ARGFX: variants seen among roughly 807,000 people sequenced by gnomAD.
ARGFX encodes arginine-fifty homeobox.
Under a neutral mutation model 8.0 loss-of-function variants are expected in ARGFX, and 10 were observed. The observed-to-expected ratio is 1.25, with a 90% CI of 0.77 to 2.12. The LOEUF is 2.12. ARGFX is among the 30% of genes most tolerant of loss of function. The pLI is 0.00. For missense variants in ARGFX, 282 were observed against 324.3 expected (o/e 0.87, Z 1.00); for synonymous variants, 116 against 117.8 (o/e 0.98, Z 0.10).
At chr3:121,578,112 CT>C (rs1221645819) in intron 3 of ARGFX, among the ~76,000 whole-genome samples, 8 of 143,802 alleles carry the variant, frequency 5.6e-5, no homozygotes, top group Admixed American at 4.2e-4. Flanking sequence ...AACATTCCCC[CT>C]ACCCCACTTT....
rs769421331 is a variant in ARGFX at position 121,570,818 on chromosome 3, T to G, written c.103+2T>G. The G allele has an allele frequency of 1.3e-6, 2 of 1,589,242 alleles. No homozygotes were observed. The highest frequency in any genetic ancestry group is 1.7e-6 in the Non-Finnish European group (2 of 1,166,536). ...CACCACAGGATCCAGCTAGTCCCAG[T>G]GAGTATCATCCTTCTTTGTCCTCTT... On this transcript the variant is annotated splice_donor_variant, in intron 2 of 4. Coordinates refer to ENST00000334384, the MANE Select transcript of ARGFX (RefSeq NM_001012659.2). LOFTEE classifies it high-confidence loss of function.
chr3:121,583,108 C>G (rs1301016941), intron 3 of ARGFX, among the ~76,000 whole-genome samples: 1 of 146,908 alleles, frequency 6.8e-6, no homozygotes, highest in Admixed American at 6.9e-5. Context: ...CGGTTCACTG[C>G]AACCTCCACC....
intron 3 of ARGFX, among the ~76,000 whole-genome samples, chr3:121,579,613 C>T (rs137943128): frequency 6.7e-6 from 1 of 149,384 alleles, no homozygotes; most frequent in East Asian, 1.9e-4. Context: ...AGGGTAGTTA[C>T]CAGGTGTGAA....
chr3:121,584,243 G>T (rs2048797695), intron 3 of ARGFX, among the ~76,000 whole-genome samples: 1 of 150,472 alleles, frequency 6.6e-6, no homozygotes, highest in Non-Finnish European at 1.5e-5. Context: ...AGGAAGGAAG[G>T]AAGGAAGGAA....
intron 3 of ARGFX, among the ~76,000 whole-genome samples, chr3:121,577,705 T>A (rs1198666495): frequency 6.6e-6 from 1 of 152,218 alleles, no homozygotes; most frequent in Non-Finnish European, 1.5e-5. Flanking sequence ...ATTAATGCCT[T>A]TACATTAATA....
At chr3:121,571,730 ATTTTTTTT>A (rs1173636701) in intron 2 of ARGFX, among the ~76,000 whole-genome samples, 5 of 107,090 alleles carry the variant, frequency 4.7e-5, no homozygotes, top group Admixed American at 1.1e-4. Flanking sequence ...TGCCCGGCAA[ATTTTTTTT>A]TTTTTTTTTT....
In ARGFX at chr3:121,588,233, C is replaced by T. The variant is rs575006229; in HGVS notation, c.*1633C>T. ...CTGTAATCCCAGCACTTTGGGAGGC[C>T]GAGGCGGGCGGATCACGAGGTCAGG... On this transcript the variant is annotated 3_prime_UTR_variant, in exon 5 of 5. Coordinates refer to ENST00000334384, the MANE Select transcript of ARGFX (RefSeq NM_001012659.2). Among the ~76,000 whole-genome samples the T allele has an allele frequency of 4.7e-5, 7 of 148,328 alleles. No homozygotes were observed. The highest frequency in any genetic ancestry group is 1.2e-4 in the African/African-American group (5 of 40,344).
rs777639306 is a variant in ARGFX at position 121,586,462 on chromosome 3, C to G, written c.810C>G (p.Ile270Met). ...GAGGACAGGGTTCCTCTCTCAGCAT[C>G]TTTGCTGGTCCAGCTGTAGGCCTAT... ...QVGGQGSSLS[I>M]FAGPAVGLSP... Residue 270 changes from isoleucine to methionine, a missense_variant, in exon 5 of 5, where the codon ATC (isoleucine) becomes ATG (methionine). Physicochemically the swap from Ile to Met is conservative, Grantham distance 10 (BLOSUM62 1). Transcript: ENST00000334384. 3.3e-5 allele frequency: 53 copies of G among 1,614,088 alleles called. No homozygotes were observed. The highest frequency in any genetic ancestry group is 1.8e-4 in the Admixed American group (11 of 60,000).
At chr3:121,581,810 G>A (rs1252836872) in intron 3 of ARGFX, among the ~76,000 whole-genome samples, 1 of 152,044 alleles carries the variant, frequency 6.6e-6, no homozygotes, top group Non-Finnish European at 1.5e-5. Context: ...GGCTGAGGTG[G>A]GAGAATCACT....
At chr3:121,571,584 A>G (rs2048708431) in intron 2 of ARGFX, among the ~76,000 whole-genome samples, 1 of 139,046 alleles carries the variant, frequency 7.2e-6, no homozygotes, top group African/African-American at 2.6e-5. Flanking sequence ...TTATTTTTTG[A>G]GACAGTCTTG....
Position 121,586,392 on chromosome 3 carries a change from T to C in ARGFX, c.740T>C (p.Phe247Ser). 3 of 1,614,222 alleles carry C rather than the reference T, an allele frequency of 1.9e-6. No homozygotes were observed. Among genetic ancestry groups the C allele is most frequent in the Non-Finnish European group, 2.5e-6 (3 of 1,180,030 alleles). Residue 247 changes from phenylalanine to serine, a missense_variant, in exon 5 of 5, where the codon TTC becomes TCC. Phe to Ser is a radical substitution (Grantham distance 155). Transcript: ENST00000334384. The stretch of plus-strand genomic sequence containing the variant: ...GAGAATGAGATATCCAGCTCTTCTT[T>C]CCACTGTCTGTATCAGTATCTCTCA... Reference protein sequence around the residue: ...PDENEISSSSFHCLYQYLSPT... With the variant: ...PDENEISSSSSHCLYQYLSPT...
intron 2 of ARGFX, among the ~76,000 whole-genome samples, chr3:121,571,755 T>G (rs28619898): frequency 3.5e-5 from 4 of 114,344 alleles, no homozygotes; most frequent in African/African-American, 1.2e-4. Context: ...TTTTTTTTTT[T>G]GTATTTTTAG....
At position 121,580,592 on chromosome 3, in the gene ARGFX, G is replaced by GTA. The variant is rs1185508399; in HGVS notation, c.220+3693_220+3694insAT. Among the ~76,000 whole-genome samples the GTA allele has an allele frequency of 3.9e-5, 4 of 101,750 alleles. No homozygotes were observed. The East Asian group carries it at 1.2e-3, about 30-fold the overall frequency. The allele number at this position is 101,750 out of a possible 152,430, so 66.8% of individuals were successfully genotyped here. A position where few individuals can be genotyped will look rare whatever the true frequency, so the allele number is the denominator to read the frequency against. ...AGTGTGTGTGTGTGTGTGTGTGTGT[G>GTA]TGTATATATATATATTTTTTTTTTT... On this transcript the variant is annotated intron_variant, in intron 3 of 4. Transcript: ENST00000334384.
At chr3:121,577,259 A>ATATATATATATATATATTT (rs1403064031) in intron 3 of ARGFX, among the ~76,000 whole-genome samples, 1 of 59,644 alleles carries the variant, frequency 1.7e-5, no homozygotes, top group African/African-American at 6.2e-5. Flanking sequence ...ATATATATAT[A>ATATATATATATATATATTT]TTTTTTTTTT....
chr3:121,580,736 C>T (rs2048774202), intron 3 of ARGFX, among the ~76,000 whole-genome samples: 1 of 151,068 alleles, frequency 6.6e-6, no homozygotes, highest in East Asian at 2.0e-4. Flanking sequence ...TCCTGAGTAG[C>T]TGGGATTACA....
Position 121,570,831 on chromosome 3 carries a change from T to C in ARGFX, c.103+15T>C, listed in dbSNP as rs1019395753. 6.5e-6 allele frequency: 10 copies of C among 1,535,724 alleles called. No homozygotes were observed. The highest frequency in any genetic ancestry group is 4.2e-5 in the African/African-American group (3 of 71,916). On this transcript the variant is annotated intron_variant, in intron 2 of 4. Coordinates refer to ENST00000334384, the MANE Select transcript of ARGFX (RefSeq NM_001012659.2). The stretch of plus-strand genomic sequence containing the variant: ...AGCTAGTCCCAGTGAGTATCATCCT[T>C]CTTTGTCCTCTTTCCTTTTCTACTG...
rs1272913779 is a variant in ARGFX, at chr3:121,567,962, G to C, written c.-64G>C. Among the ~76,000 whole-genome samples the C allele has an allele frequency of 6.6e-6, 1 of 152,120 alleles. No homozygotes were observed. Among genetic ancestry groups the C allele is most frequent in the Non-Finnish European group, 1.5e-5 (1 of 68,032 alleles). The stretch of plus-strand genomic sequence containing the variant: ...ACTAAGGAAACTGCATTTCCAGAGA[G>C]AGACACACCACGTAGGACTGAAAAT... On this transcript the variant is annotated 5_prime_UTR_variant, in exon 1 of 5. Coordinates refer to ENST00000334384, the MANE Select transcript of ARGFX (RefSeq NM_001012659.2).
rs2048836498 is a variant in ARGFX, at chr3:121,590,217, A to T, written c.*3617A>T. Among the ~76,000 whole-genome samples, 1 of 152,252 alleles carries T rather than the reference A, an allele frequency of 6.6e-6. No individual in the cohort carries two copies. Among genetic ancestry groups the T allele is most frequent in the South Asian group, 2.1e-4 (1 of 4,834 alleles). On this transcript the variant is annotated 3_prime_UTR_variant, in exon 5 of 5. Transcript: ENST00000334384. The stretch of plus-strand genomic sequence containing the variant: ...ACAGAATACCAAATCTGACTCCACA[A>T]GAAATAGATGTTGTGAATAGAGCTT...
chr3:121,585,814 G>A (rs4676730), intron 4 of ARGFX, among the ~76,000 whole-genome samples: 42,476 of 151,822 alleles, frequency 0.28, 6,391 homozygotes, highest in East Asian at 0.63. Flanking sequence ...AAACACACCC[G>A]CTTCCTTCCT....
Sources: gnomAD v4.1 joint callset for allele counts (sites outside exome capture counted in the v4.1 genomes callset) on GRCh38, gnomAD v4.1.1 for gene constraint, MANE v1.5 for transcripts, NCBI Gene and HGNC (gene_info 2026-07-23, HGNC 2026-07-21) for gene names.